Variants in SGCD observed in about 807,000 individuals in gnomAD.
The protein encoded by SGCD is delta-sarcoglycan.
Under a neutral mutation model 36.6 loss-of-function variants are expected in SGCD, and 18 were observed. The observed-to-expected ratio is 0.49, with a 90% CI of 0.34 to 0.73. The LOEUF is 0.73. Among genes scored for constraint, SGCD ranks in the 30% least tolerant of loss-of-function variants. The pLI, the probability that SGCD is intolerant of heterozygous loss-of-function variation, is 0.01. For missense variants in SGCD, 387 were observed against 346.7 expected, an observed-to-expected ratio of 1.12 and a Z score of -0.92; for synonymous variants, 133 against 130.6, an observed-to-expected ratio of 1.02 and a Z score of -0.12.
intron 3 of SGCD, among the ~76,000 whole-genome samples, chr5:156,378,151 G>A (rs1162542662): frequency 6.6e-6 from 1 of 152,120 alleles, no homozygotes; most frequent in African/African-American, 2.4e-5. Context: ...GACATACAAT[G>A]ACATGTTATT....
intron 3 of SGCD, among the ~76,000 whole-genome samples, chr5:156,290,216 A>T (rs1263678753): frequency 6.6e-6 from 1 of 152,136 alleles, no homozygotes; most frequent in Non-Finnish European, 1.5e-5. Context: ...GAACACTGAG[A>T]CAGAGAAAGC....
chr5:156,697,773 A>C (rs1255748078), intron 7 of SGCD, among the ~76,000 whole-genome samples: 1 of 150,600 alleles, frequency 6.6e-6, no homozygotes, highest in South Asian at 2.1e-4. Flanking sequence ...GGATGGATGG[A>C]TGGATGGATG....
intron 3 of SGCD, among the ~76,000 whole-genome samples, chr5:156,182,367 G>T (rs966792265): frequency 2.0e-5 from 3 of 152,196 alleles, no homozygotes; most frequent in Non-Finnish European, 2.9e-5. Flanking sequence ...AAGGTGGGTG[G>T]ATCACTTGAG....
rs1322059908 is a variant in SGCD at position 156,062,140 on chromosome 5, A to T, written c.-281-55738A>T. On this transcript the variant is annotated intron_variant, in intron 1 of 9. Transcript: ENST00000517913. ...ATGTTCCCCTTCCTGTGTGCATGTG[A>T]TCTCATTGTTCAGTTCCCACCTATG... 2.7e-4 allele frequency among the ~76,000 whole-genome samples: 24 copies of T among 89,808 alleles called. 2 individuals carry two copies. The highest frequency in any genetic ancestry group is 1.2e-3 in the African/African-American group (15 of 12,902). 58.9% of individuals were successfully genotyped at this position (89,808 alleles called of 152,430 possible).
intron 3 of SGCD, among the ~76,000 whole-genome samples, chr5:156,176,849 T>C (rs974016218): frequency 6.6e-6 from 1 of 152,174 alleles, no homozygotes; most frequent in African/African-American, 2.4e-5. Flanking sequence ...GCCTTCAGTT[T>C]TGGAAAATTA....
chr5:155,977,191 C>T (rs1758132987), intron 1 of SGCD, among the ~76,000 whole-genome samples: 1 of 152,192 alleles, frequency 6.6e-6, no homozygotes, highest in African/African-American at 2.4e-5. Flanking sequence ...GTCCAGATCT[C>T]ATGCCCTTAC....
chr5:156,672,235 C>G (rs969766589), intron 7 of SGCD, among the ~76,000 whole-genome samples: 3 of 152,132 alleles, frequency 2.0e-5, no homozygotes, highest in African/African-American at 4.8e-5. Flanking sequence ...GGAGGTTTCA[C>G]TCTTAAATAT....
At chr5:156,230,722 G>A (rs1764994945) in intron 3 of SGCD, among the ~76,000 whole-genome samples, 1 of 152,130 alleles carries the variant, frequency 6.6e-6, no homozygotes, top group Non-Finnish European at 1.5e-5. Flanking sequence ...CTGAGTGGGA[G>A]CTGTAATCTA....
intron 7 of SGCD, among the ~76,000 whole-genome samples, chr5:156,698,488 C>T (rs32090): frequency 0.86 from 130,247 of 152,242 alleles, 55,790 homozygotes; most frequent in Admixed American, 0.9. Context: ...GAAGGAACCT[C>T]GGAGGCCACA....
At chr5:156,288,871 T>C (rs1766685203) in intron 3 of SGCD, among the ~76,000 whole-genome samples, 2 of 152,090 alleles carry the variant, frequency 1.3e-5, no homozygotes, top group South Asian at 2.1e-4. Context: ...ATGCCATCGG[T>C]TTTTTAAGTG....
the SGCD span, among the ~76,000 whole-genome samples, chr5:155,788,908 A>G: frequency 6.6e-6 from 1 of 152,172 alleles, no homozygotes; most frequent in Non-Finnish European, 1.5e-5. Flanking sequence ...AACAGCAAAG[A>G]CATAAAACGG....
At chr5:155,956,333 T>G (rs1757648410) in intron 1 of SGCD, among the ~76,000 whole-genome samples, 2 of 152,072 alleles carry the variant, frequency 1.3e-5, no homozygotes, top group African/African-American at 4.8e-5. Flanking sequence ...TAGGAGCATT[T>G]GTGACCAATG....
At chr5:156,090,199 T>C (rs1484347469) in intron 1 of SGCD, among the ~76,000 whole-genome samples, 1 of 152,250 alleles carries the variant, frequency 6.6e-6, no homozygotes, top group Non-Finnish European at 1.5e-5. Context: ...GGGTGTTTAA[T>C]GTCCTTATTT....
Position 156,762,204 on chromosome 5 carries a change from G to A in SGCD, c.*2814G>A, listed in dbSNP as rs142023087. On this transcript the variant is annotated 3_prime_UTR_variant, in exon 9 of 9. Transcript: ENST00000337851. ...TATATATGACATTTTCTAGACAATC[G>A]CACCTTTGGGTATATTAAACAGCTG... 89 of 152,358 alleles carry A rather than the reference G, an allele frequency of 5.8e-4. No individual in the cohort carries two copies. Among genetic ancestry groups the A allele is most frequent in the African/African-American group, 1.9e-3 (80 of 41,404 alleles). 9.4% of individuals were successfully genotyped at this position (152,358 alleles called of 1,614,324 possible). A position where few individuals can be genotyped will look rare whatever the true frequency, so the allele number is the denominator to read the frequency against.
rs1419389431 is a variant in SGCD at position 156,539,505 on chromosome 5, G to A, written c.294+30803G>A. 2.6e-5 allele frequency among the ~76,000 whole-genome samples: 4 copies of A among 151,942 alleles called. No homozygotes were observed. In the East Asian group the frequency reaches 7.7e-4, roughly 29 times the overall value. On this transcript the variant is annotated intron_variant, in intron 4 of 8. Transcript: ENST00000337851. ...GCTCCCACTTATAAGTGAGGACATAGGATATTTTGTTTTCCATTCCTAAAT... is the reference window on the plus strand; with the variant it reads ...GCTCCCACTTATAAGTGAGGACATAAGATATTTTGTTTTCCATTCCTAAAT...
chr5:155,903,576 C>A (rs1232564703), intron 1 of SGCD, among the ~76,000 whole-genome samples: 1 of 151,996 alleles, frequency 6.6e-6, no homozygotes, highest in Non-Finnish European at 1.5e-5. Context: ...ACATGGGGGA[C>A]AATGATTGTG....
chr5:156,704,623 A>G (rs1471591499), intron 7 of SGCD, among the ~76,000 whole-genome samples: 1 of 152,204 alleles, frequency 6.6e-6, no homozygotes, highest in African/African-American at 2.4e-5. Flanking sequence ...GAAATTATAT[A>G]TAAAAATATC....
intron 7 of SGCD, among the ~76,000 whole-genome samples, chr5:156,710,065 C>A (rs1002758282): frequency 1.3e-5 from 2 of 151,998 alleles, no homozygotes; most frequent in Non-Finnish European, 2.9e-5. Context: ...GCGTCCTGAG[C>A]CTCCTTTCCT....
At chr5:156,264,669 A>G (rs932813180) in intron 3 of SGCD, among the ~76,000 whole-genome samples, 1 of 152,146 alleles carries the variant, frequency 6.6e-6, no homozygotes, top group Non-Finnish European at 1.5e-5. Flanking sequence ...ACTTAGCACA[A>G]CAAGTATCAA....
Sources: allele counts gnomAD v4.1 joint callset (sites outside exome capture counted in the v4.1 genomes callset), GRCh38; gene constraint gnomAD v4.1.1; transcripts MANE v1.5; gene names NCBI Gene and HGNC (gene_info 2026-07-23, HGNC 2026-07-21).